Variants in VGLL4 observed in about 807,000 individuals in gnomAD.
VGLL4 encodes transcription cofactor vestigial-like protein 4.
A neutral mutation model predicts 21.0 loss-of-function variants in VGLL4; 7 were observed. The ratio of observed to expected loss-of-function variants is 0.33; its 90% confidence interval spans 0.19 to 0.63. VGLL4 has a LOEUF of 0.63. Ranked by LOEUF, VGLL4 falls within the 20% of genes least tolerant of loss-of-function variation. The probability of loss-of-function intolerance (pLI) is 0.78; values close to 1 mark genes in which losing one functional copy is unlikely to be tolerated. For synonymous variants in VGLL4, 222 were observed against 173.2 expected (o/e 1.28, Z -2.21); for missense variants, 394 against 425.7 (o/e 0.93, Z 0.66).
At chr3:11,657,275 C>CA (rs2075971724) in intron 2 of VGLL4, among the ~76,000 whole-genome samples, 2 of 152,152 alleles carry the variant, frequency 1.3e-5, no homozygotes, top group Admixed American at 1.3e-4. Flanking sequence ...CACAGGCCGC[C>CA]ATTCACTGCA....
chr3:11,558,454 T>TGC lies in VGLL4; in HGVS notation c.*101_*102insGC. The TGC allele has an allele frequency of 1.9e-3, 1,983 of 1,063,702 alleles. 1 individual carries two copies. Among genetic ancestry groups the TGC allele is most frequent in the Non-Finnish European group, 2.2e-3 (1,670 of 775,186 alleles). The allele number at this position is 1,063,702 out of a possible 1,614,324, so 65.9% of individuals were successfully genotyped here. On this transcript the variant is annotated 3_prime_UTR_variant, in exon 5 of 5. Coordinates refer to ENST00000430365, the MANE Select transcript of VGLL4 (RefSeq NM_001128219.3). The stretch of plus-strand genomic sequence containing the variant: ...TTTGCAAATAAACCATCCCTTCCCT[T>TGC]CCCCCCACCCCACCCCCATGATTTT...
chr3:11,718,169 T>C (rs1432077421), intron 1 of VGLL4, among the ~76,000 whole-genome samples: 1 of 152,200 alleles, frequency 6.6e-6, no homozygotes, highest in African/African-American at 2.4e-5. Flanking sequence ...GAAATTAGCC[T>C]GGGATTAAAA....
At chr3:11,716,909 G>A (rs2076926243) in intron 1 of VGLL4, among the ~76,000 whole-genome samples, 1 of 152,038 alleles carries the variant, frequency 6.6e-6, no homozygotes. Context: ...CTTTAGGTGA[G>A]TTCCCTGAAA....
Position 11,568,623 on chromosome 3 carries a change from T to C in VGLL4, c.273-3604A>G. 6.4e-7 allele frequency: 1 copy of C among 1,569,890 alleles called. No homozygotes were observed. Among genetic ancestry groups the C allele is most frequent in the South Asian group, 1.2e-5 (1 of 85,514 alleles). ...TACTCACATTTCCAGCTCATTTTCC[T>C]GGTTCCCGGAGCTTCAAGACAGACA... On this transcript the variant is annotated intron_variant, in intron 2 of 4. Transcript: ENST00000430365. The surrounding 1 kb of genome is among the most constrained non-coding windows in gnomAD (Gnocchi z 5.9).
intron 2 of VGLL4, among the ~76,000 whole-genome samples, chr3:11,579,426 T>G (rs1442637601): frequency 6.6e-6 from 1 of 152,212 alleles, no homozygotes; most frequent in Non-Finnish European, 1.5e-5. Context: ...CTGCATTTCT[T>G]TTAAAATAGT....
At chr3:11,596,638 G>A (rs142425343) in intron 2 of VGLL4, among the ~76,000 whole-genome samples, 321 of 152,288 alleles carry the variant, frequency 2.1e-3, no homozygotes, top group African/African-American at 7.3e-3. Flanking sequence ...CTGTTCAATA[G>A]AACTTCTTGT....
chr3:11,697,504 G>A (rs956678745), intron 2 of VGLL4, among the ~76,000 whole-genome samples: 1 of 152,206 alleles, frequency 6.6e-6, no homozygotes, highest in Non-Finnish European at 1.5e-5. Flanking sequence ...AGAAAGATCA[G>A]GAGTGGGCCC....
intron 1 of VGLL4, among the ~76,000 whole-genome samples, chr3:11,715,424 T>A (rs2076906711): frequency 6.6e-6 from 1 of 152,040 alleles, no homozygotes; most frequent in Non-Finnish European, 1.5e-5. Context: ...ACCTCCACTT[T>A]CCGGGTTCAA....
chr3:11,697,234 G>A (rs915525907), intron 2 of VGLL4, among the ~76,000 whole-genome samples: 1 of 151,822 alleles, frequency 6.6e-6, no homozygotes, highest in Non-Finnish European at 1.5e-5. Context: ...TGGAGTAGAT[G>A]GGACTGTAGG....
intron 2 of VGLL4, among the ~76,000 whole-genome samples, chr3:11,672,323 C>T (rs188001239): frequency 6.6e-6 from 1 of 152,282 alleles, no homozygotes; most frequent in East Asian, 1.9e-4. Context: ...CTATTGAACA[C>T]TGTACTCGTA....
chr3:11,626,073 A>G (rs2075347001), intron 1 of VGLL4, among the ~76,000 whole-genome samples: 1 of 152,216 alleles, frequency 6.6e-6, no homozygotes, highest in Admixed American at 6.5e-5. Context: ...AGCTGTTAAA[A>G]ATCTTAACTT....
intron 2 of VGLL4, among the ~76,000 whole-genome samples, chr3:11,677,092 G>C (rs2076301930): frequency 1.3e-5 from 2 of 152,126 alleles, no homozygotes; most frequent in South Asian, 4.1e-4. Context: ...AAATATTTTG[G>C]TTGTTTTCAG....
intron 2 of VGLL4, among the ~76,000 whole-genome samples, chr3:11,571,871 C>G (rs2073790892): frequency 6.6e-6 from 1 of 152,118 alleles, no homozygotes; most frequent in African/African-American, 2.4e-5. Flanking sequence ...CTTTGGGAGG[C>G]CGAGGCCGGC....
intron 1 of VGLL4, among the ~76,000 whole-genome samples, chr3:11,705,283 C>T (rs1305609467): frequency 1.3e-5 from 2 of 152,162 alleles, no homozygotes; most frequent in Admixed American, 6.5e-5. Context: ...GAGCCGTGGG[C>T]AAGCACGCGG....
At chr3:11,625,853 T>A (rs1461980014) in intron 1 of VGLL4, among the ~76,000 whole-genome samples, 1 of 151,990 alleles carries the variant, frequency 6.6e-6, no homozygotes, top group Non-Finnish European at 1.5e-5. Flanking sequence ...AGCAGATCTA[T>A]ATAGACAGAA....
intron 2 of VGLL4, among the ~76,000 whole-genome samples, chr3:11,658,159 T>C (rs1314190946): frequency 6.6e-6 from 1 of 152,142 alleles, no homozygotes; most frequent in Non-Finnish European, 1.5e-5. Flanking sequence ...GGACTGGAAC[T>C]CCTGGGCTCA....
At chr3:11,587,605 T>C (rs1482741213) in intron 2 of VGLL4, among the ~76,000 whole-genome samples, 2 of 152,212 alleles carry the variant, frequency 1.3e-5, no homozygotes, top group Non-Finnish European at 2.9e-5. Flanking sequence ...ATACCAGAAC[T>C]GGTACATACT....
intron 2 of VGLL4, among the ~76,000 whole-genome samples, chr3:11,585,961 G>A (rs748006387): frequency 6.6e-6 from 1 of 152,140 alleles, no homozygotes; most frequent in Non-Finnish European, 1.5e-5. Flanking sequence ...GCCCTGAGGA[G>A]CTGACACTCC....
intron 2 of VGLL4, among the ~76,000 whole-genome samples, chr3:11,654,568 G>A (rs2075928546): frequency 6.6e-6 from 1 of 152,156 alleles, no homozygotes; most frequent in Admixed American, 6.5e-5. Context: ...CAAAAGGCAG[G>A]CAAATAAAAC....
Sources: gnomAD v4.1 joint callset for allele counts (sites outside exome capture counted in the v4.1 genomes callset) on GRCh38, gnomAD v4.1.1 for gene constraint, Gnocchi (gnomAD v3.1) non-coding constraint, MANE v1.5 for transcripts, NCBI Gene and HGNC (gene_info 2026-07-23, HGNC 2026-07-21) for gene names.